FGF14: variants seen among roughly 807,000 people sequenced by gnomAD.
The protein encoded by FGF14 is fibroblast growth factor homologous factor 4.
A neutral mutation model predicts 25.5 loss-of-function variants in FGF14; 5 were observed. The ratio of observed to expected loss-of-function variants is 0.20; its 90% CI spans 0.10 to 0.41. The LOEUF is 0.41. Among genes scored for constraint, FGF14 ranks in the 10% least tolerant of loss-of-function variants. The probability of loss-of-function intolerance (pLI) is 1.00; values close to 1 mark genes in which losing one functional copy is unlikely to be tolerated. For missense variants in FGF14, 222 were observed against 320.1 expected (o/e 0.69, Z 2.34); for synonymous variants, 138 against 118.3 (o/e 1.17, Z -1.08).
rs757841395 is a variant in FGF14 at position 102,378,631 on chromosome 13, C to CTATCTATCTA, written c.208+22839_208+22840insTAGATAGATA. The stretch of plus-strand genomic sequence containing the variant: ...TCTATCTATCTATCTATCTATCTAT[C>CTATCTATCTA]TATATATATATATATCTTCTCTTTT... On this transcript the variant is annotated intron_variant, in intron 1 of 4. Transcript: ENST00000376131. Among the ~76,000 whole-genome samples the CTATCTATCTA allele has an allele frequency of 8.4e-3, 1,188 of 141,854 alleles. 5 individuals are homozygous for CTATCTATCTA. Among genetic ancestry groups the CTATCTATCTA allele is most frequent in the Middle Eastern group, 0.016 (4 of 252 alleles). 93.1% of individuals were successfully genotyped at this position (141,854 alleles called of 152,430 possible).
At chr13:102,219,701 T>C (rs2050526041) in intron 1 of FGF14, among the ~76,000 whole-genome samples, 1 of 152,194 alleles carries the variant, frequency 6.6e-6, no homozygotes, top group Non-Finnish European at 1.5e-5. Flanking sequence ...CAATTCACAA[T>C]TCACAGTTCT....
At chr13:102,171,956 G>A (rs756327752) in intron 1 of FGF14, among the ~76,000 whole-genome samples, 1 of 148,474 alleles carries the variant, frequency 6.7e-6, no homozygotes, top group African/African-American at 2.5e-5. Flanking sequence ...TGCAAAAAAA[G>A]ATATGCACTT....
chr13:102,141,378 A>G (rs1437533758), intron 1 of FGF14, among the ~76,000 whole-genome samples: 2 of 152,218 alleles, frequency 1.3e-5, no homozygotes, highest in African/African-American at 2.4e-5. Context: ...TAAACAAGAC[A>G]GTTTTCTCTT....
At chr13:102,155,792 A>G (rs1413777888) in intron 1 of FGF14, among the ~76,000 whole-genome samples, 1 of 152,128 alleles carries the variant, frequency 6.6e-6, no homozygotes, top group Non-Finnish European at 1.5e-5. Flanking sequence ...AGAGAGAAGA[A>G]TCAAATAGAT....
intron 1 of FGF14, among the ~76,000 whole-genome samples, chr13:102,092,002 A>G (rs949700994): frequency 1.3e-5 from 2 of 152,226 alleles, no homozygotes; most frequent in African/African-American, 2.4e-5. Flanking sequence ...ATAAGTTTAT[A>G]TATATGCATA....
chr13:101,735,266 C>G (rs755330471), intron 3 of FGF14, among the ~76,000 whole-genome samples: 2 of 152,178 alleles, frequency 1.3e-5, no homozygotes, highest in Non-Finnish European at 2.9e-5. Context: ...GTTCATTATA[C>G]AGTTGATAAC....
intron 1 of FGF14, among the ~76,000 whole-genome samples, chr13:101,946,970 A>G (rs1395518236): frequency 1.3e-5 from 2 of 152,168 alleles, no homozygotes; most frequent in African/African-American, 4.8e-5. Context: ...GTTTTTATCC[A>G]CTTAATGCTG....
At position 101,943,812 on chromosome 13, in the gene FGF14, T is replaced by TACAAAAAA. The variant is rs796285466; in HGVS notation, c.209-68517_209-68516insTTTTTTGT. On this transcript the variant is annotated intron_variant, in intron 1 of 4. Coordinates refer to the FGF14 transcript ENST00000376131. The stretch of plus-strand genomic sequence containing the variant: ...AACATGGAGAATCCCTGTCTCTACT[T>TACAAAAAA]AAAAAAAAAAAAAAATATATATATA... Among the ~76,000 whole-genome samples, 267 of 134,170 alleles carry TACAAAAAA rather than the reference T, an allele frequency of 2.0e-3. 5 individuals are homozygous for TACAAAAAA. The highest frequency in any genetic ancestry group is 7.5e-3 in the African/African-American group (243 of 32,560). The allele number at this position is 134,170 out of a possible 152,430, so 88.0% of individuals were successfully genotyped here.
At chr13:101,860,684 T>G (rs1001557366) in intron 3 of FGF14, among the ~76,000 whole-genome samples, 5 of 151,962 alleles carry the variant, frequency 3.3e-5, no homozygotes, top group Non-Finnish European at 5.9e-5. Context: ...TCAAGTTATC[T>G]CCCCATCTCA....
chr13:102,327,478 G>T (rs2056491805), intron 1 of FGF14, among the ~76,000 whole-genome samples: 5 of 152,100 alleles, frequency 3.3e-5, no homozygotes, highest in Admixed American at 3.3e-4. Context: ...AAATAGATTT[G>T]GCCAAATCAC....
intron 1 of FGF14, among the ~76,000 whole-genome samples, chr13:102,123,554 C>G (rs2045825055): frequency 6.6e-6 from 1 of 151,780 alleles, no homozygotes; most frequent in South Asian, 2.1e-4. Context: ...TTTTTTGAAC[C>G]CAGGTGATCA....
intron 1 of FGF14, among the ~76,000 whole-genome samples, chr13:102,012,046 G>A (rs1177356863): frequency 6.6e-6 from 1 of 152,162 alleles, no homozygotes; most frequent in Non-Finnish European, 1.5e-5. Context: ...AGACCAAAAT[G>A]AGGGACAGGA....
intron 1 of FGF14, among the ~76,000 whole-genome samples, chr13:102,306,715 T>C (rs758344466): frequency 4.6e-5 from 7 of 152,160 alleles, no homozygotes; most frequent in Non-Finnish European, 8.8e-5. Context: ...TTAGCATACC[T>C]ACTCTCAAAG....
chr13:102,174,579 G>A (rs958018389), intron 1 of FGF14, among the ~76,000 whole-genome samples: 3 of 152,024 alleles, frequency 2.0e-5, no homozygotes, highest in Non-Finnish European at 4.4e-5. Flanking sequence ...TTTAACCAAG[G>A]AGATATAAAA....
chr13:101,823,854 TATAA>T (rs1278268609), intron 3 of FGF14, among the ~76,000 whole-genome samples: 3 of 149,608 alleles, frequency 2.0e-5, no homozygotes, highest in Admixed American at 1.3e-4. Context: ...CTATATTTAG[TATAA>T]ATAATTTTCA....
At chr13:102,362,628 T>C (rs996637422) in intron 1 of FGF14, among the ~76,000 whole-genome samples, 3 of 152,204 alleles carry the variant, frequency 2.0e-5, no homozygotes, top group South Asian at 2.1e-4. Context: ...CTATGTACAA[T>C]AGCACTTTGT....
chr13:102,237,370 C>A (rs1433036135), intron 1 of FGF14, among the ~76,000 whole-genome samples: 1 of 152,184 alleles, frequency 6.6e-6, no homozygotes, highest in Non-Finnish European at 1.5e-5. Flanking sequence ...CTTTCTCCAG[C>A]CCCAGCAAAA....
At chr13:101,891,161 G>C (rs2046249509) in intron 1 of FGF14, among the ~76,000 whole-genome samples, 2 of 152,144 alleles carry the variant, frequency 1.3e-5, no homozygotes, top group Admixed American at 1.3e-4. Context: ...ATAATACAGA[G>C]AGGTGAGTAT....
chr13:102,037,747 C>T (rs1037440626), intron 1 of FGF14, among the ~76,000 whole-genome samples: 1 of 152,128 alleles, frequency 6.6e-6, no homozygotes, highest in Admixed American at 6.6e-5. Flanking sequence ...AAATCAGTTG[C>T]ACATTAACCG....
Sources: gnomAD v4.1 joint callset for allele counts (sites outside exome capture counted in the v4.1 genomes callset) on GRCh38, gnomAD v4.1.1 for gene constraint, MANE v1.5 for transcripts, NCBI Gene and HGNC (gene_info 2026-07-23, HGNC 2026-07-21) for gene names.